Variants in TBC1D32 observed in about 807,000 individuals in gnomAD.
The protein encoded by TBC1D32 is protein broad-minded.
TBC1D32 carries 151 observed loss-of-function variants against 170.3 expected under a neutral mutation model. That is an observed-to-expected ratio of 0.89 (90% CI 0.78 to 1.01). The LOEUF (loss-of-function observed/expected upper bound fraction) is 1.01. TBC1D32 is among the 50% of genes least tolerant of loss of function. TBC1D32 has a pLI of 0.00. For synonymous variants in TBC1D32, 498 were observed against 488.0 expected, an observed-to-expected ratio of 1.02 and a Z score of -0.27; for missense variants, 1,464 against 1,457.1, an observed-to-expected ratio of 1.00 and a Z score of -0.08.
At chr6:121,298,250 T>C (rs914298019) in intron 10 of TBC1D32, among the ~76,000 whole-genome samples, 2 of 152,110 alleles carry the variant, frequency 1.3e-5, no homozygotes, top group African/African-American at 4.8e-5. Context: ...ACATACTATA[T>C]ACATAAAATA....
intron 22 of TBC1D32, among the ~76,000 whole-genome samples, chr6:121,182,894 T>C (rs959826108): frequency 1.1e-4 from 16 of 151,842 alleles, no homozygotes; most frequent in African/African-American, 3.9e-4. Flanking sequence ...AACAGGTAAA[T>C]GGATACAAGT....
intron 17 of TBC1D32, among the ~76,000 whole-genome samples, chr6:121,247,884 C>T (rs1025671982): frequency 2.0e-5 from 3 of 151,850 alleles, no homozygotes; most frequent in African/African-American, 7.3e-5. Flanking sequence ...GACTTTAATA[C>T]TCCACTGACA....
At chr6:121,225,650 A>C (rs1359199669) in intron 20 of TBC1D32, among the ~76,000 whole-genome samples, 4 of 152,108 alleles carry the variant, frequency 2.6e-5, no homozygotes, top group Admixed American at 2.6e-4. Flanking sequence ...TAAGCAAATC[A>C]AGTAAAACTT....
intron 17 of TBC1D32, among the ~76,000 whole-genome samples, chr6:121,242,691 C>T (rs1286359544): frequency 6.6e-6 from 1 of 152,046 alleles, no homozygotes; most frequent in Non-Finnish European, 1.5e-5. Flanking sequence ...CTCAACACCC[C>T]ATTATTTCTG....
At chr6:121,171,492 T>C (rs1786993878) in intron 22 of TBC1D32, among the ~76,000 whole-genome samples, 1 of 151,982 alleles carries the variant, frequency 6.6e-6, no homozygotes, top group African/African-American at 2.4e-5. Flanking sequence ...GTAATGAAGG[T>C]TTTTTGTTTT....
rs892554788 is a variant in TBC1D32, at chr6:121,332,890, A to G, written c.155+1386T>C. ...AAACAAGAAAATCATGGAAATACAAAAGAAAAAGAAACCGTAAGTATAATC... is the reference window on the plus strand; with the variant it reads ...AAACAAGAAAATCATGGAAATACAAGAGAAAAAGAAACCGTAAGTATAATC... On this transcript the variant is annotated intron_variant, in intron 1 of 31. Transcript: ENST00000398212. Among the ~76,000 whole-genome samples, 3 of 152,192 alleles carry G rather than the reference A, an allele frequency of 2.0e-5. No homozygotes were observed. The South Asian group carries it at 6.2e-4, about 31-fold the overall frequency.
intron 21 of TBC1D32, among the ~76,000 whole-genome samples, chr6:121,213,987 T>G (rs1266293845): frequency 6.6e-6 from 1 of 152,086 alleles, no homozygotes; most frequent in Admixed American, 6.5e-5. Flanking sequence ...ACTGCACACT[T>G]ACAACTATCT....
At position 121,242,233 on chromosome 6, in the gene TBC1D32, A is replaced by T. The variant is rs773763981; in HGVS notation, c.2125T>A (p.Phe709Ile). ...RTGAINECVT[F>I]IFNRYAKKLQ... ...TTTTTTGCATATCGATTGAATATAA[A>T]TGTCACACATTCATTGATAGCACCT... Residue 709 changes from phenylalanine to isoleucine, a missense_variant, in exon 18 of 32, where the codon TTT (phenylalanine) becomes ATT (isoleucine). Transcript: ENST00000398212. 1 of 1,612,384 alleles carries T rather than the reference A, an allele frequency of 6.2e-7. No individual in the cohort carries two copies. Among genetic ancestry groups the T allele is most frequent in the South Asian group, 1.1e-5 (1 of 90,850 alleles).
chr6:121,204,705 A>G (rs573554522), intron 22 of TBC1D32, among the ~76,000 whole-genome samples: 1 of 151,462 alleles, frequency 6.6e-6, no homozygotes, highest in East Asian at 1.9e-4. Flanking sequence ...CTTGGGCCTC[A>G]GGATAAATCA....
intron 24 of TBC1D32, among the ~76,000 whole-genome samples, chr6:121,156,548 C>A (rs1243227216): frequency 6.6e-6 from 1 of 151,428 alleles, no homozygotes. Flanking sequence ...TATTTATTTT[C>A]TTTTGCTAAC....
Position 121,298,826 on chromosome 6 carries a change from G to A in TBC1D32, c.1140+620C>T, listed in dbSNP as rs373582524. Among the ~76,000 whole-genome samples the A allele has an allele frequency of 2.0e-4, 31 of 152,104 alleles. No individual in the cohort carries two copies. The East Asian group carries it at 3.9e-3, about 19-fold the overall frequency. On this transcript the variant is annotated intron_variant, in intron 10 of 31. Transcript: ENST00000398212. ...GGTTCTGCCTAACTACATAAAAGAT[G>A]TTTATTGACCCAAAGCTATATCAGT...
chr6:121,237,493 T>C (rs1035542998), intron 20 of TBC1D32, among the ~76,000 whole-genome samples: 7 of 151,962 alleles, frequency 4.6e-5, no homozygotes, highest in Non-Finnish European at 1.0e-4. Flanking sequence ...TTTCTGATAT[T>C]CCAATTACAT....
chr6:121,080,974 C>T (rs1775583769), intron 31 of TBC1D32, 84 bp from the exon 32 acceptor site: 1 of 1,501,760 alleles, frequency 6.7e-7, no homozygotes, highest in Non-Finnish European at 9.0e-7. Context: ...ATTGATATAC[C>T]ATTTATTTTC....
intron 24 of TBC1D32, among the ~76,000 whole-genome samples, chr6:121,147,830 G>C (rs1783662606): frequency 6.6e-6 from 1 of 151,926 alleles, no homozygotes; most frequent in South Asian, 2.1e-4. Flanking sequence ...CTGATCTCAG[G>C]ATCGGCCTGC....
chr6:121,100,009 G>A (rs1777838819), intron 30 of TBC1D32, among the ~76,000 whole-genome samples: 1 of 151,712 alleles, frequency 6.6e-6, no homozygotes. Context: ...TTAAATTAAA[G>A]AGTATATGGT....
intron 15 of TBC1D32, among the ~76,000 whole-genome samples, chr6:121,274,712 A>G (rs1215433908): frequency 6.6e-6 from 1 of 152,158 alleles, no homozygotes; most frequent in African/African-American, 2.4e-5. Context: ...AGACTTCTAG[A>G]AAAAGGAAAA....
At chr6:121,180,003 T>A (rs927389094) in intron 22 of TBC1D32, among the ~76,000 whole-genome samples, 3 of 152,224 alleles carry the variant, frequency 2.0e-5, no homozygotes, top group African/African-American at 7.2e-5. Context: ...CTGGGGAACA[T>A]ACTATCAAGC....
intron 26 of TBC1D32, among the ~76,000 whole-genome samples, chr6:121,116,516 G>C (rs898653386): frequency 2.0e-5 from 3 of 152,174 alleles, no homozygotes; most frequent in Admixed American, 6.5e-5. Flanking sequence ...ATAGATCTGT[G>C]TGCCTATAGT....
At chr6:121,135,172 A>G (rs1283261047) in intron 24 of TBC1D32, among the ~76,000 whole-genome samples, 1 of 152,078 alleles carries the variant, frequency 6.6e-6, no homozygotes, top group Non-Finnish European at 1.5e-5. Flanking sequence ...TGATATGGAG[A>G]CATGAGGTAA....
Sources: gnomAD v4.1 joint callset for allele counts (sites outside exome capture counted in the v4.1 genomes callset) on GRCh38, gnomAD v4.1.1 for gene constraint, MANE v1.5 for transcripts, NCBI Gene and HGNC (gene_info 2026-07-23, HGNC 2026-07-21) for gene names.